The following CNMD variants were observed in gnomAD, a reference collection of about 807,000 sequenced individuals.
CNMD encodes leukocyte cell-derived chemotaxin 1.
CNMD carries 30 observed loss-of-function variants against 37.5 expected under a neutral mutation model. That is an observed-to-expected ratio of 0.80 (90% CI 0.60 to 1.09). The LOEUF (loss-of-function observed/expected upper bound fraction) is 1.09. Among genes scored for constraint, CNMD ranks in the 50% least tolerant of loss-of-function variants. The pLI, the probability that CNMD is intolerant of heterozygous loss-of-function variation, is 0.00. For synonymous variants in CNMD, 167 were observed against 148.2 expected (o/e 1.13, Z -0.92); for missense variants, 398 against 423.9 (o/e 0.94, Z 0.54).
At chr13:52,711,463 G>T (rs1964288761) in intron 5 of CNMD, among the ~76,000 whole-genome samples, 1 of 152,168 alleles carries the variant, frequency 6.6e-6, no homozygotes, top group Non-Finnish European at 1.5e-5. Context: ...CAGCCAGCCA[G>T]CCCCTGCTGA....
intron 3 of CNMD, among the ~76,000 whole-genome samples, chr13:52,726,839 C>T (rs1287782669): frequency 1.3e-5 from 2 of 151,668 alleles, no homozygotes; most frequent in African/African-American, 2.4e-5. Context: ...AAAAACATGA[C>T]AAAGAAATCA....
At chr13:52,734,875 C>A (rs1964729261) in intron 2 of CNMD, among the ~76,000 whole-genome samples, 1 of 152,184 alleles carries the variant, frequency 6.6e-6, no homozygotes, top group South Asian at 2.1e-4. Flanking sequence ...CTCATTATTA[C>A]AAGACCCACA....
At chr13:52,735,213 C>T (rs964364491) in intron 2 of CNMD, among the ~76,000 whole-genome samples, 9 of 152,200 alleles carry the variant, frequency 5.9e-5, no homozygotes, top group Middle Eastern at 3.4e-3. Context: ...TTGGCTGAGA[C>T]GGGACTCCTG....
rs1435838273 is a variant in CNMD at position 52,734,399 on chromosome 13, A to G, written c.214-1040T>C. Among the ~76,000 whole-genome samples the G allele has an allele frequency of 2.0e-5, 3 of 152,122 alleles. No individual in the cohort carries two copies. The South Asian group carries it at 6.2e-4, about 32-fold the overall frequency. ...TGAGTAACATTTTGTTAGAAAGACA[A>G]ATTTCAATACTTAAAACATTTCTTT... On this transcript the variant is annotated intron_variant, in intron 2 of 6. Coordinates refer to ENST00000377962, the MANE Select transcript of CNMD (RefSeq NM_007015.3).
chr13:52,731,150 C>T (rs1355671895), intron 3 of CNMD, among the ~76,000 whole-genome samples: 1 of 152,174 alleles, frequency 6.6e-6, no homozygotes, highest in Non-Finnish European at 1.5e-5. Flanking sequence ...ATCACTACAT[C>T]TGCAAGACCT....
At position 52,739,280 on chromosome 13, in the gene CNMD, G is replaced by C. The variant is rs1964841330; in HGVS notation, c.73-109C>G. ...GCCCCCAGGGAGTGGGGAGTCGGGC[G>C]GGAAACAGCTCGCCCGGGCTCCTAC... On this transcript the variant is annotated intron_variant, in intron 1 of 6. Transcript: ENST00000377962. The surrounding 1 kb of genome is among the most constrained non-coding windows in gnomAD (Gnocchi z 5.4). 6 of 1,284,956 alleles carry C rather than the reference G, an allele frequency of 4.7e-6. No homozygotes were observed. The East Asian group carries it at 1.8e-4, about 39-fold the overall frequency. 79.6% of individuals were successfully genotyped at this position (1,284,956 alleles called of 1,614,324 possible).
In CNMD at chr13:52,735,653, C is replaced by T. The variant is rs533156089; in HGVS notation, c.214-2294G>A. ...CACACATAAAATACACTAACACTAA[C>T]GATAGCTGATGAATTTTTAAAAAAA... On this transcript the variant is annotated intron_variant, in intron 2 of 6. Transcript: ENST00000377962. 2.4e-4 allele frequency among the ~76,000 whole-genome samples: 36 copies of T among 148,896 alleles called. 1 individual carries two copies. The South Asian group carries it at 6.0e-3, about 25-fold the overall frequency.
At chr13:52,713,772 A>G (rs1223217439) in intron 4 of CNMD, among the ~76,000 whole-genome samples, 1 of 152,222 alleles carries the variant, frequency 6.6e-6, no homozygotes, top group Non-Finnish European at 1.5e-5. Flanking sequence ...TGAAAAATTT[A>G]TGAAAGCAAG....
chr13:52,713,615 A>G (rs113285106), intron 4 of CNMD, among the ~76,000 whole-genome samples: 7,872 of 152,282 alleles, frequency 0.052, 252 homozygotes, highest in Middle Eastern at 0.075. Context: ...TTTCTCCCTC[A>G]GGCTTATGGC....
chr13:52,717,818 C>T (rs1245698777), intron 4 of CNMD, among the ~76,000 whole-genome samples: 1 of 152,096 alleles, frequency 6.6e-6, no homozygotes, highest in African/African-American at 2.4e-5. Flanking sequence ...TTTGTTGTGT[C>T]TCTGCCAGGT....
chr13:52,715,490 A>G (rs966929523), intron 4 of CNMD, among the ~76,000 whole-genome samples: 2 of 152,090 alleles, frequency 1.3e-5, no homozygotes, highest in Non-Finnish European at 2.9e-5. Flanking sequence ...TCTTAATGCT[A>G]TTCTTCCCCT....
At chr13:52,735,941 T>C (rs1201154242) in intron 2 of CNMD, among the ~76,000 whole-genome samples, 6 of 151,064 alleles carry the variant, frequency 4.0e-5, no homozygotes, top group Non-Finnish European at 8.8e-5. Context: ...GCCATTCTCC[T>C]GCCTCAGCCT....
intron 2 of CNMD, among the ~76,000 whole-genome samples, chr13:52,737,045 T>C (rs1426585248): frequency 6.6e-6 from 1 of 152,148 alleles, no homozygotes; most frequent in Non-Finnish European, 1.5e-5. Flanking sequence ...ATGAAAAGGA[T>C]AGGAGGTGAA....
At chr13:52,710,401 C>T (rs570929471) in intron 5 of CNMD, among the ~76,000 whole-genome samples, 4 of 152,302 alleles carry the variant, frequency 2.6e-5, no homozygotes, top group South Asian at 2.1e-4. Flanking sequence ...GAGGACAAAG[C>T]GTAATTCTCT....
intron 4 of CNMD, among the ~76,000 whole-genome samples, chr13:52,722,527 C>T (rs1393766720): frequency 6.6e-6 from 1 of 152,010 alleles, no homozygotes; most frequent in East Asian, 1.9e-4. Context: ...GTATGCATAC[C>T]CCCAGCTTAC....
intron 3 of CNMD, among the ~76,000 whole-genome samples, chr13:52,732,103 A>G (rs1964682461): frequency 6.6e-6 from 1 of 152,258 alleles, no homozygotes; most frequent in South Asian, 2.1e-4. Flanking sequence ...CTTATGAGGT[A>G]TATTTTGGTA....
chr13:52,724,523 G>A (rs774250032), intron 3 of CNMD, among the ~76,000 whole-genome samples: 10 of 151,810 alleles, frequency 6.6e-5, no homozygotes, highest in East Asian at 1.9e-4. Context: ...CCGGGGAGGC[G>A]GAGCTTGCAG....
At chr13:52,724,229 TG>T in intron 3 of CNMD, 119 bp from the exon 4 acceptor site, 1 of 732,308 alleles carries the variant, frequency 1.4e-6, no homozygotes, top group Non-Finnish European at 2.4e-6. Flanking sequence ...ACAAAAGAGA[TG>T]GAACTGCCCT....
At chr13:52,722,777 G>A (rs950704025) in intron 4 of CNMD, among the ~76,000 whole-genome samples, 8 of 152,184 alleles carry the variant, frequency 5.3e-5, no homozygotes, top group African/African-American at 1.9e-4. Flanking sequence ...TCAAAGGCAA[G>A]TTATTAATAA....
Sources: allele counts gnomAD v4.1 joint callset (sites outside exome capture counted in the v4.1 genomes callset), GRCh38; gene constraint gnomAD v4.1.1; non-coding constraint Gnocchi (gnomAD v3.1); transcripts MANE v1.5; gene names NCBI Gene and HGNC (gene_info 2026-07-23, HGNC 2026-07-21).